The following HDAC7 variants were observed in gnomAD, a reference collection of about 807,000 sequenced individuals.
HDAC7 encodes histone deacetylase 7, also known as histone deacetylase 7A.
HDAC7 carries 26 observed loss-of-function variants against 115.5 expected under a neutral mutation model. The ratio of observed to expected loss-of-function variants is 0.23; its 90% CI spans 0.16 to 0.31. HDAC7 has a LOEUF of 0.31. Among genes scored for constraint, HDAC7 ranks in the 10% least tolerant of loss-of-function variants. HDAC7 has a pLI of 1.00. For missense variants in HDAC7, 1,068 were observed against 1,329.0 expected, an observed-to-expected ratio of 0.80 and a Z score of 3.05; for synonymous variants, 564 against 550.9, an observed-to-expected ratio of 1.02 and a Z score of -0.33.
At chr12:47,814,209 G>A (rs61917654) in intron 1 of HDAC7, among the ~76,000 whole-genome samples, 15 of 152,196 alleles carry the variant, frequency 9.9e-5, no homozygotes, top group Non-Finnish European at 1.8e-4. Context: ...GGTTTTTCCC[G>A]TGTGCCTCTC....
chr12:47,785,093 G>A (rs1943095349), intron 24 of HDAC7: 2 of 554,478 alleles, frequency 3.6e-6, no homozygotes, highest in Non-Finnish European at 6.4e-6. Context: ...AGGCCTGAGT[G>A]TTGCTCTTGA....
At chr12:47,820,241 C>T (rs1281213629), upstream of HDAC7, among the ~76,000 whole-genome samples, 1 of 152,144 alleles carries the variant, frequency 6.6e-6, no homozygotes, top group Non-Finnish European at 1.5e-5. The surrounding 1 kb of genome is among the most constrained non-coding windows in gnomAD (Gnocchi z 4.3). Flanking sequence ...CCTGGGCGCA[C>T]GCACCCTCGC....
intron 12 of HDAC7, 92 bp downstream of exon 12, chr12:47,794,668 C>A (rs1346323732): frequency 1.5e-6 from 2 of 1,318,966 alleles, no homozygotes; most frequent in Non-Finnish European, 2.0e-6. Context: ...GCCTGTTGCA[C>A]TGATGTCGTA....
chr12:47,800,415 G>A (rs1389291161), intron 2 of HDAC7, among the ~76,000 whole-genome samples: 1 of 152,202 alleles, frequency 6.6e-6, no homozygotes, highest in Non-Finnish European at 1.5e-5. Flanking sequence ...TTCCCTGACT[G>A]TGACATGGAC....
intron 16 of HDAC7, 162 bp downstream of exon 16, chr12:47,791,097 G>A (rs1943473213): frequency 2.9e-6 from 2 of 698,998 alleles, no homozygotes; most frequent in African/African-American, 1.8e-5. Context: ...CTGTCCAAAA[G>A]GAGCTTCCTG....
At position 47,791,399 on chromosome 12, in the gene HDAC7, A is replaced by G; in HGVS notation, c.1934-91T>C. On this transcript the variant is annotated intron_variant, in intron 15 of 25. Transcript: ENST00000080059. ...GGAGCCCAGAGAGCAGGGCCGGGTGAGTATTGGGGGAGAGAAATATGGAAG... is the reference window on the plus strand; with the variant it reads ...GGAGCCCAGAGAGCAGGGCCGGGTGGGTATTGGGGGAGAGAAATATGGAAG... 4 of 1,409,876 alleles carry G rather than the reference A, an allele frequency of 2.8e-6. No individual in the cohort carries two copies. In the South Asian group the frequency reaches 5.5e-5, roughly 20 times the overall value. The allele number at this position is 1,409,876 out of a possible 1,614,324, so 87.3% of individuals were successfully genotyped here.
rs997516375 is a variant in HDAC7 at position 47,798,409 on chromosome 12, C to A, written c.349+153G>T. ...ACCCCCCACCCCCACATCCCCCACA[C>A]ATTCACAGGCAGAGCCCAGGCAAGC... On this transcript the variant is annotated intron_variant, in intron 4 of 25. Transcript: ENST00000080059. This position sits in a 1 kb window ranked among gnomAD's most constrained non-coding sequence, Gnocchi z 4.3. 6.6e-6 allele frequency among the ~76,000 whole-genome samples: 1 copy of A among 151,854 alleles called. No homozygotes were observed. The highest frequency in any genetic ancestry group is 1.5e-5 in the Non-Finnish European group (1 of 67,922).
At chr12:47,818,524 T>C (rs570576155) in intron 1 of HDAC7, among the ~76,000 whole-genome samples, 2 of 152,262 alleles carry the variant, frequency 1.3e-5, no homozygotes, top group East Asian at 1.9e-4. Flanking sequence ...AAGCGTCTCA[T>C]TGGAGGGCAG....
At position 47,785,742 on chromosome 12, in the gene HDAC7, G is replaced by A. The variant is rs1316475433; in HGVS notation, c.2706+10C>T. 1.9e-6 allele frequency: 3 copies of A among 1,601,072 alleles called. No individual in the cohort carries two copies. The highest frequency in any genetic ancestry group is 8.5e-7 in the Non-Finnish European group (1 of 1,173,720). On this transcript the variant is annotated intron_variant, in intron 23 of 25. Coordinates refer to ENST00000080059, the MANE Select transcript of HDAC7 (RefSeq NM_015401.5). ...GACAGAAGCATGGATGGGGGAGGGA[G>A]ACGGCTCACCCTGTTACCCAGAAGA...
intron 21 of HDAC7, among the ~76,000 whole-genome samples, chr12:47,787,188 C>T (rs895136580): frequency 2.0e-5 from 3 of 151,964 alleles, no homozygotes; most frequent in Admixed American, 6.6e-5. Flanking sequence ...ACTAGGTCCT[C>T]TGAGGTTCTG....
At position 47,793,951 on chromosome 12, in the gene HDAC7, T is replaced by A. The variant is rs1943667620; in HGVS notation, c.1459-363A>T. ...TGGCCTGTCATCATGTGTTATGGAG[T>A]AAATTATGTTCCCCACCCTCAAATT... On this transcript the variant is annotated intron_variant, in intron 12 of 25. Coordinates refer to ENST00000080059, the MANE Select transcript of HDAC7 (RefSeq NM_015401.5). This position sits in a 1 kb window ranked among gnomAD's most constrained non-coding sequence, Gnocchi z 4.5. 6.6e-6 allele frequency among the ~76,000 whole-genome samples: 1 copy of A among 152,144 alleles called. No homozygotes were observed. Among genetic ancestry groups the A allele is most frequent in the Non-Finnish European group, 1.5e-5 (1 of 68,022 alleles).
intron 1 of HDAC7, chr12:47,819,097 C>G (rs1408211031): frequency 1.3e-5 from 2 of 152,578 alleles, no homozygotes; most frequent in Non-Finnish European, 2.9e-5. Flanking sequence ...GCGCCGCTGC[C>G]GGCATTGACC....
At chr12:47,784,750 T>G in intron 24 of HDAC7, 1 of 1,535,576 alleles carries the variant, frequency 6.5e-7, no homozygotes, top group Non-Finnish European at 8.7e-7. Context: ...TCCTCCTGCC[T>G]GCTGCTGTGA....
At position 47,809,869 on chromosome 12, in the gene HDAC7, C is replaced by A. The variant is rs188628696; in HGVS notation, c.20-7595G>T. Among the ~76,000 whole-genome samples, 100 of 152,312 alleles carry A rather than the reference C, an allele frequency of 6.6e-4. 1 individual carries two copies. The highest frequency in any genetic ancestry group is 2.4e-3 in the African/African-American group (99 of 41,564). On this transcript the variant is annotated intron_variant, in intron 1 of 25. Coordinates refer to ENST00000080059, the MANE Select transcript of HDAC7 (RefSeq NM_015401.5). Reference sequence around the variant, plus strand: ...TACAGGCCTGAGCCACCACACCAGGCCCCCACTAAACATTTTAATTGTACT... The same window carrying A: ...TACAGGCCTGAGCCACCACACCAGGACCCCACTAAACATTTTAATTGTACT...
rs373121556 is a variant in HDAC7 at position 47,797,855 on chromosome 12, G to GGTGTGTGTGTGTGTGTGTGTGTGTGT, written c.461+227_461+252dup. ...TCATGTGCAAGAAAAAAGCCAGTAG[G>GGTGTGTGTGTGTGTGTGTGTGTGTGT]GTGTGTGTGTGTGTGTGTGTGTGTG... On this transcript the variant is annotated intron_variant, in intron 5 of 25. Transcript: ENST00000080059. The surrounding 1 kb of genome is among the most constrained non-coding windows in gnomAD (Gnocchi z 5.5). 4.8e-5 allele frequency among the ~76,000 whole-genome samples: 6 copies of GGTGTGTGTGTGTGTGTGTGTGTGTGT among 123,876 alleles called. No homozygotes were observed. The highest frequency in any genetic ancestry group is 8.0e-5 in the Admixed American group (1 of 12,438). 81.3% of individuals were successfully genotyped at this position (123,876 alleles called of 152,430 possible).
chr12:47,818,712 C>T (rs1328407205), intron 1 of HDAC7, among the ~76,000 whole-genome samples: 2 of 152,228 alleles, frequency 1.3e-5, no homozygotes, highest in Non-Finnish European at 2.9e-5. Context: ...AGAGCTGGGC[C>T]TCAGGCAGAT....
rs941590756 is a variant in HDAC7 at position 47,789,488 on chromosome 12, C to T, written c.2147+35G>A. 29 of 1,609,870 alleles carry T rather than the reference C, an allele frequency of 1.8e-5. No individual in the cohort carries two copies. In the African/African-American group the frequency reaches 2.3e-4, roughly 13 times the overall value. Reference sequence around the variant, plus strand: ...AGGAAGTTCCTGGGGGCTTGCCCCCCACCTCATCCCACCCAGGTCTTCCCT... The same window carrying T: ...AGGAAGTTCCTGGGGGCTTGCCCCCTACCTCATCCCACCCAGGTCTTCCCT... On this transcript the variant is annotated intron_variant, in intron 18 of 25. Coordinates refer to ENST00000080059, the MANE Select transcript of HDAC7 (RefSeq NM_015401.5).
rs756864235 is a variant in HDAC7 at position 47,783,821 on chromosome 12, G to A, written c.*20C>T. 45 of 1,608,448 alleles carry A rather than the reference G, an allele frequency of 2.8e-5. No homozygotes were observed. The highest frequency in any genetic ancestry group is 7.8e-5 in the South Asian group (7 of 89,430). On this transcript the variant is annotated 3_prime_UTR_variant, in exon 26 of 26. Transcript: ENST00000080059. The stretch of plus-strand genomic sequence containing the variant: ...ACCAGGTCCCAAGGGCATGGTGGGC[G>A]GGCAGATGGTTCCAGAGCCTTAGAG...
Position 47,789,353 on chromosome 12 carries a change from A to G in HDAC7, c.2148-5T>C, listed in dbSNP as rs1943353326. The G allele has an allele frequency of 2.5e-6, 4 of 1,612,782 alleles. No individual in the cohort carries two copies. Among genetic ancestry groups the G allele is most frequent in the Non-Finnish European group, 3.4e-6 (4 of 1,179,018 alleles). ...GAGTTGAAGAAGCAGAAGCCCCTGG[A>G]AGGAGAGACAGGTCCTGCCAGCCCA... is the stretch of plus-strand genomic sequence containing the variant. On this transcript the variant is annotated splice_region_variant and splice_polypyrimidine_tract_variant and intron_variant, in intron 18 of 25. Transcript: ENST00000080059.
Sources: allele counts gnomAD v4.1 joint callset (sites outside exome capture counted in the v4.1 genomes callset), GRCh38; gene constraint gnomAD v4.1.1; non-coding constraint Gnocchi (gnomAD v3.1); transcripts MANE v1.5; gene names NCBI Gene and HGNC (gene_info 2026-07-23, HGNC 2026-07-21).